DOCK10: variants seen among roughly 807,000 people sequenced by gnomAD.
DOCK10 encodes the protein dedicator of cytokinesis 10.
Under a neutral mutation model 280.1 loss-of-function variants are expected in DOCK10, and 145 were observed. The observed-to-expected ratio is 0.52, with a 90% confidence interval of 0.45 to 0.59. DOCK10 has a LOEUF of 0.59. DOCK10 is among the 20% of genes least tolerant of loss of function. The pLI, the probability that DOCK10 is intolerant of heterozygous loss-of-function variation, is 0.00. For synonymous variants in DOCK10, 915 were observed against 942.2 expected, an observed-to-expected ratio of 0.97 and a Z score of 0.53; for missense variants, 2,368 against 2,651.7, an observed-to-expected ratio of 0.89 and a Z score of 2.35.
intron 8 of DOCK10, among the ~76,000 whole-genome samples, chr2:224,875,033 C>A (rs981522039): frequency 2.0e-5 from 3 of 152,186 alleles, no homozygotes; most frequent in Admixed American, 2.0e-4. Flanking sequence ...GTTGTCTTGA[C>A]TTACTTCATT....
intron 48 of DOCK10, 33 bp from the exon 49 acceptor site, chr2:224,787,430 A>G (rs765844259): frequency 2.3e-5 from 37 of 1,612,792 alleles, no homozygotes; most frequent in African/African-American, 2.3e-4. Context: ...AAGATTTTAC[A>G]TGATTAGGGT....
chr2:224,972,247 T>C (rs1165448202), intron 1 of DOCK10, among the ~76,000 whole-genome samples: 1 of 152,234 alleles, frequency 6.6e-6, no homozygotes, highest in Non-Finnish European at 1.5e-5. Flanking sequence ...CAATTATTCA[T>C]AAAGCAGAAT....
chr2:224,872,682 G>T (rs955005317), intron 11 of DOCK10, among the ~76,000 whole-genome samples: 3 of 152,194 alleles, frequency 2.0e-5, no homozygotes, highest in Non-Finnish European at 2.9e-5. Flanking sequence ...AATGGATGAA[G>T]GCATGAGACT....
chr2:224,780,613 C>T (rs1438372493), intron 50 of DOCK10, among the ~76,000 whole-genome samples: 2 of 152,064 alleles, frequency 1.3e-5, no homozygotes, highest in Non-Finnish European at 2.9e-5. Flanking sequence ...TAAAAATTGT[C>T]ATCATCGGCT....
At chr2:224,894,397 G>C (rs186867904) in intron 4 of DOCK10, among the ~76,000 whole-genome samples, 1 of 152,260 alleles carries the variant, frequency 6.6e-6, no homozygotes, top group Non-Finnish European at 1.5e-5. Flanking sequence ...AAAGATGGTG[G>C]GAACACATTT....
chr2:224,927,296 T>C (rs1702089362), intron 2 of DOCK10, among the ~76,000 whole-genome samples: 1 of 152,036 alleles, frequency 6.6e-6, no homozygotes, highest in African/African-American at 2.4e-5. Context: ...TGACAGGGGT[T>C]ATGGGAGGAG....
chr2:225,011,414 T>C (rs1689431746), intron 1 of DOCK10, among the ~76,000 whole-genome samples: 1 of 152,192 alleles, frequency 6.6e-6, no homozygotes, highest in South Asian at 2.1e-4. Context: ...ATCAAGTTAC[T>C]TTAAAGAAGA....
intron 41 of DOCK10, among the ~76,000 whole-genome samples, chr2:224,799,857 CAG>C (rs1559433833): frequency 2.0e-5 from 3 of 152,192 alleles, no homozygotes; most frequent in East Asian, 1.9e-4. Context: ...TGAAAAAGTA[CAG>C]AGTCACACTA....
At chr2:225,014,081 A>ATATATATATATATATATATATT (rs776104946) in intron 1 of DOCK10, among the ~76,000 whole-genome samples, 3 of 96,800 alleles carry the variant, frequency 3.1e-5, no homozygotes, top group Admixed American at 1.1e-4. Flanking sequence ...GTCTGAATAT[A>ATATATATATATATATATATATT]TTGTTTTTTT....
At chr2:224,824,432 T>TC (rs1170019345) in intron 27 of DOCK10, among the ~76,000 whole-genome samples, 1 of 141,152 alleles carries the variant, frequency 7.1e-6, no homozygotes, top group Non-Finnish European at 1.5e-5. Flanking sequence ...GACTCTGCTT[T>TC]TTTTTTTTTT....
At chr2:225,033,205 CAG>C (rs774485630) in intron 1 of DOCK10, among the ~76,000 whole-genome samples, 45 of 148,528 alleles carry the variant, frequency 3.0e-4, no homozygotes, top group Non-Finnish European at 6.6e-4. Flanking sequence ...TTTTTTTTGA[CAG>C]AGTCTCACTC....
At chr2:224,926,028 G>A (rs1458005967) in intron 2 of DOCK10, among the ~76,000 whole-genome samples, 7 of 152,018 alleles carry the variant, frequency 4.6e-5, no homozygotes, top group African/African-American at 1.7e-4. Context: ...CTACCAGCTT[G>A]AAAAAGAAAG....
intron 29 of DOCK10, among the ~76,000 whole-genome samples, chr2:224,817,272 G>T (rs1303552614): frequency 6.6e-6 from 1 of 152,180 alleles, no homozygotes; most frequent in African/African-American, 2.4e-5. Flanking sequence ...GTTAGATGGA[G>T]AGAAATGGAG....
chr2:224,975,879 A>C (rs1287868945), intron 1 of DOCK10, among the ~76,000 whole-genome samples: 1 of 152,196 alleles, frequency 6.6e-6, no homozygotes, highest in Admixed American at 6.5e-5. Flanking sequence ...AAGCAAATCA[A>C]GTAGAAGCTT....
In DOCK10 at chr2:224,834,153, T is replaced by C. The variant is rs1204758743; in HGVS notation, c.2961A>G (p.Leu987=). Residue 987 remains leucine, a synonymous_variant, in exon 26 of 56, where the codon CTA becomes CTG. Coordinates refer to ENST00000258390, the MANE Select transcript of DOCK10 (RefSeq NM_014689.3). ...SNDSTTVKHV[L]KHSWFFFAII... is the part of the protein sequence containing the mutation. ...AGGACCATCTTTAAATTCTTACCTT[T>C]AGGACATGCTTTACTGTTGTTGAGT... The C allele has an allele frequency of 1.3e-6, 2 of 1,596,744 alleles. No homozygotes were observed. Among genetic ancestry groups the C allele is most frequent in the Non-Finnish European group, 1.7e-6 (2 of 1,164,306 alleles).
At chr2:224,962,280 T>C (rs1399610409) in intron 1 of DOCK10, among the ~76,000 whole-genome samples, 1 of 152,218 alleles carries the variant, frequency 6.6e-6, no homozygotes, top group Non-Finnish European at 1.5e-5. Flanking sequence ...TAATTAGGTA[T>C]GTAGCATTGG....
At chr2:224,855,068 C>CAT in intron 15 of DOCK10, 26 bp from the exon 16 acceptor site, 1 of 905,764 alleles carries the variant, frequency 1.1e-6, no homozygotes, top group Non-Finnish European at 1.7e-6. Context: ...AGCAAGGACA[C>CAT]ACACACACAC....
At position 224,787,407 on chromosome 2, in the gene DOCK10, C is replaced by T. The variant is rs748587242; in HGVS notation, c.5419-10G>A. 5 of 1,613,332 alleles carry T rather than the reference C, an allele frequency of 3.1e-6. No homozygotes were observed. The highest frequency in any genetic ancestry group is 2.7e-5 in the African/African-American group (2 of 74,980). ...GCTCCACCAGGATATTCTGCAATTC[C>T]CCCAATCAAAATAAGATTTTACATG... is the stretch of plus-strand genomic sequence containing the variant. On this transcript the variant is annotated splice_polypyrimidine_tract_variant and intron_variant, in intron 48 of 55. Coordinates refer to ENST00000258390, the MANE Select transcript of DOCK10 (RefSeq NM_014689.3).
At position 224,864,862 on chromosome 2, in the gene DOCK10, C is replaced by T. The variant is rs531716633; in HGVS notation, c.1479+4G>A. 2 of 1,613,824 alleles carry T rather than the reference C, an allele frequency of 1.2e-6. No individual in the cohort carries two copies. The highest frequency in any genetic ancestry group is 1.1e-5 in the South Asian group (1 of 91,076). On this transcript the variant is annotated splice_donor_region_variant and intron_variant, in intron 12 of 55. Coordinates refer to ENST00000258390, the MANE Select transcript of DOCK10 (RefSeq NM_014689.3). ...CATCTCATCACAAGTAAACAAAGTG[C>T]CACCTGCTTTGGAAATTTTAGCCAT...
Sources: allele counts gnomAD v4.1 joint callset (sites outside exome capture counted in the v4.1 genomes callset), GRCh38; gene constraint gnomAD v4.1.1; transcripts MANE v1.5; gene names NCBI Gene and HGNC (gene_info 2026-07-23, HGNC 2026-07-21).